The following NXPE2 variants were observed in gnomAD, a reference collection of about 807,000 sequenced individuals.
NXPE2 encodes the protein neurexophilin and PC-esterase domain family member 2.
In NXPE2, 34 loss-of-function variants were observed where a neutral mutation model predicts 34.4. The ratio of observed to expected loss-of-function variants is 0.99; its 90% confidence interval spans 0.75 to 1.31. The LOEUF (loss-of-function observed/expected upper bound fraction) is 1.31. Among genes scored for constraint, NXPE2 ranks in the 40% most tolerant of loss-of-function variants. The pLI, the probability that NXPE2 is intolerant of heterozygous loss-of-function variation, is 0.00. For synonymous variants in NXPE2, 235 were observed against 231.3 expected, an observed-to-expected ratio of 1.02 and a Z score of -0.15; for missense variants, 649 against 672.5, an observed-to-expected ratio of 0.97 and a Z score of 0.39.
chr11:114,464,893 T>C, the NXPE2 span, among the ~76,000 whole-genome samples: 19 of 151,580 alleles, frequency 1.3e-4, 1 homozygote, highest in African/African-American at 3.9e-4. Flanking sequence ...GAAGAAAGCA[T>C]GAGAACAAGT....
At chr11:114,697,141 G>A (rs976524122) in intron 2 of NXPE2, among the ~76,000 whole-genome samples, 5 of 152,136 alleles carry the variant, frequency 3.3e-5, no homozygotes, top group Admixed American at 1.3e-4. Context: ...GAATAAGGAC[G>A]TGCCACTATA....
At chr11:114,588,595 C>T in the NXPE2 span, among the ~76,000 whole-genome samples, 60,967 of 152,004 alleles carry the variant, frequency 0.4, 13,442 homozygotes, top group African/African-American at 0.58. Context: ...ATTCCCAATA[C>T]GAAGAGAGGC....
the NXPE2 span, among the ~76,000 whole-genome samples, chr11:114,615,928 T>C: frequency 1.4e-5 from 2 of 141,000 alleles, no homozygotes; most frequent in Non-Finnish European, 3.1e-5. Flanking sequence ...GTGGATAATA[T>C]GTATCGACTT....
the NXPE2 span, among the ~76,000 whole-genome samples, chr11:114,664,896 G>C: frequency 3.9e-5 from 6 of 152,146 alleles, no homozygotes; most frequent in Non-Finnish European, 5.9e-5. Context: ...ATTTTGCCCA[G>C]CTGTTGGCTA....
the NXPE2 span, among the ~76,000 whole-genome samples, chr11:114,473,715 A>G: frequency 2.0e-5 from 3 of 152,256 alleles, no homozygotes; most frequent in Admixed American, 6.5e-5. Context: ...TCTTGAAATT[A>G]GACCTCAATA....
chr11:114,623,737 AACC>A, the NXPE2 span, among the ~76,000 whole-genome samples: 1 of 152,158 alleles, frequency 6.6e-6, no homozygotes, highest in African/African-American at 2.4e-5. Flanking sequence ...CCTCATGGGT[AACC>A]ACTGTTAACT....
the NXPE2 span, among the ~76,000 whole-genome samples, chr11:114,813,437 C>T: frequency 2.6e-5 from 4 of 152,230 alleles, no homozygotes; most frequent in African/African-American, 9.6e-5. Flanking sequence ...GGAACAGGCT[C>T]ATAATCTGAT....
At chr11:114,621,310 G>T in the NXPE2 span, among the ~76,000 whole-genome samples, 1 of 152,044 alleles carries the variant, frequency 6.6e-6, no homozygotes, top group Non-Finnish European at 1.5e-5. Context: ...TTGCTTTGTG[G>T]GTATCCACTG....
At chr11:114,533,728 AGAC>A in the NXPE2 span, among the ~76,000 whole-genome samples, 49 of 152,202 alleles carry the variant, frequency 3.2e-4, no homozygotes, top group African/African-American at 1.2e-3. Flanking sequence ...GGCGGCAGCA[AGAC>A]TAGGGGAGGG....
intron 3 of NXPE2, among the ~76,000 whole-genome samples, chr11:114,700,665 T>C (rs1424854448): frequency 1.3e-5 from 2 of 152,078 alleles, no homozygotes; most frequent in Non-Finnish European, 2.9e-5. Flanking sequence ...AATAACTATT[T>C]GTTGAATAAA....
At chr11:114,540,435 C>T in the NXPE2 span, among the ~76,000 whole-genome samples, 1 of 152,114 alleles carries the variant, frequency 6.6e-6, no homozygotes, top group Non-Finnish European at 1.5e-5. Context: ...CAAACACTAA[C>T]TCATAACTAT....
chr11:114,604,440 G>T, the NXPE2 span, among the ~76,000 whole-genome samples: 1 of 152,046 alleles, frequency 6.6e-6, no homozygotes, highest in African/African-American at 2.4e-5. Flanking sequence ...ATTGTTACCC[G>T]GTGGACACTA....
chr11:114,617,836 T>A, the NXPE2 span, among the ~76,000 whole-genome samples: 1 of 152,132 alleles, frequency 6.6e-6, no homozygotes, highest in African/African-American at 2.4e-5. Flanking sequence ...GGGAAACCAG[T>A]GTTACCCAGT....
upstream of NXPE2, among the ~76,000 whole-genome samples, chr11:114,674,052 G>A (rs1235794129): frequency 6.6e-6 from 1 of 151,594 alleles, no homozygotes; most frequent in Non-Finnish European, 1.5e-5. Context: ...ATTTCAAAAG[G>A]AGAGAAGGGG....
chr11:114,618,387 C>T, the NXPE2 span, among the ~76,000 whole-genome samples: 1 of 151,932 alleles, frequency 6.6e-6, no homozygotes, highest in South Asian at 2.1e-4. Context: ...GTCACTGTTA[C>T]CCAGTGGATA....
At chr11:114,642,279 C>T in the NXPE2 span, among the ~76,000 whole-genome samples, 5 of 152,000 alleles carry the variant, frequency 3.3e-5, no homozygotes, top group African/African-American at 4.8e-5. Context: ...TTGAGGGATA[C>T]TGTTTATAAA....
At chr11:114,616,134 A>G in the NXPE2 span, among the ~76,000 whole-genome samples, 3 of 151,790 alleles carry the variant, frequency 2.0e-5, no homozygotes, top group Admixed American at 2.0e-4. Flanking sequence ...TCCGGTGGAT[A>G]ATAAGTATTG....
chr11:114,589,496 A>G, the NXPE2 span, among the ~76,000 whole-genome samples: 1 of 152,102 alleles, frequency 6.6e-6, no homozygotes, highest in African/African-American at 2.4e-5. Flanking sequence ...GGGGGGACAT[A>G]TTATTTACAT....
the NXPE2 span, among the ~76,000 whole-genome samples, chr11:114,558,679 C>G: frequency 6.6e-6 from 1 of 152,158 alleles, no homozygotes; most frequent in Non-Finnish European, 1.5e-5. Context: ...TTAAGCTGAA[C>G]TAGGTCACAA....
Sources: allele counts gnomAD v4.1 joint callset (sites outside exome capture counted in the v4.1 genomes callset), GRCh38; gene constraint gnomAD v4.1.1; transcripts MANE v1.5; gene names NCBI Gene and HGNC (gene_info 2026-07-23, HGNC 2026-07-21).